Variants in CNOT6L observed in about 807,000 individuals in gnomAD.
CNOT6L encodes the protein CCR4-NOT transcription complex subunit 6 like, also known as CCR4-NOT transcription complex subunit 6-like.
CNOT6L carries 7 observed loss-of-function variants against 64.0 expected under a neutral mutation model. The ratio of observed to expected loss-of-function variants is 0.11; its 90% CI spans 0.06 to 0.21. The LOEUF (loss-of-function observed/expected upper bound fraction) is 0.21. Among genes scored for constraint, CNOT6L ranks in the 10% least tolerant of loss-of-function variants. The pLI is 1.00. For missense variants in CNOT6L, 245 were observed against 669.0 expected, an observed-to-expected ratio of 0.37 and a Z score of 6.99; for synonymous variants, 193 against 243.4, an observed-to-expected ratio of 0.79 and a Z score of 1.93.
chr4:77,735,449 A>G (rs946999477), intron 8 of CNOT6L, among the ~76,000 whole-genome samples: 1 of 152,158 alleles, frequency 6.6e-6, no homozygotes, highest in South Asian at 2.1e-4. Context: ...CCCAAATCCT[A>G]GAATTTTTTT....
chr4:77,798,227 A>C (rs1200984047), intron 1 of CNOT6L, among the ~76,000 whole-genome samples: 4 of 152,144 alleles, frequency 2.6e-5, no homozygotes, highest in African/African-American at 9.7e-5. Context: ...AGGCAGGAGG[A>C]CTGCTTGAGC....
At position 77,715,309 on chromosome 4, in the gene CNOT6L, T is replaced by C. The variant is rs988196044; in HGVS notation, c.*5122A>G. The C allele has an allele frequency of 2.0e-5, 3 of 152,052 alleles. No individual in the cohort carries two copies. Among genetic ancestry groups the C allele is most frequent in the Non-Finnish European group, 4.4e-5 (3 of 67,994 alleles). 9.4% of individuals were successfully genotyped at this position (152,052 alleles called of 1,614,324 possible). ...TGTGATTTGTTTCTGATGACATACT[T>C]CTAAAATGCAGTTCAATGCTACTCA... On this transcript the variant is annotated 3_prime_UTR_variant, in exon 12 of 12. Transcript: ENST00000504123.
intron 4 of CNOT6L, among the ~76,000 whole-genome samples, chr4:77,772,708 G>C (rs1323320021): frequency 6.6e-6 from 1 of 152,012 alleles, no homozygotes; most frequent in African/African-American, 2.4e-5. Context: ...GGATCACGAG[G>C]TCAGGAGATC....
Position 77,744,706 on chromosome 4 carries a change from C to G in CNOT6L, c.717+12G>C. ...TTTTAAGTTAAAGACAGTTTAATTTCTATGGTGTTACCTGAAGACTAATGA... is the reference window on the plus strand; with the variant it reads ...TTTTAAGTTAAAGACAGTTTAATTTGTATGGTGTTACCTGAAGACTAATGA... On this transcript the variant is annotated intron_variant, in intron 7 of 11. Coordinates refer to ENST00000504123, the MANE Select transcript of CNOT6L (RefSeq NM_144571.3). The G allele has an allele frequency of 6.3e-7, 1 of 1,597,496 alleles. No homozygotes were observed. The highest frequency in any genetic ancestry group is 8.5e-7 in the Non-Finnish European group (1 of 1,173,056).
At chr4:77,737,709 C>T (rs1013925725) in intron 8 of CNOT6L, among the ~76,000 whole-genome samples, 4 of 152,198 alleles carry the variant, frequency 2.6e-5, no homozygotes, top group South Asian at 4.1e-4. Context: ...TGAAACACCA[C>T]GCCCAGACTG....
At chr4:77,799,691 TG>T (rs1194669416) in intron 1 of CNOT6L, among the ~76,000 whole-genome samples, 1 of 103,292 alleles carries the variant, frequency 9.7e-6, no homozygotes, top group African/African-American at 3.9e-5. Context: ...GTGAGGGGAG[TG>T]AAACTCCATC....
chr4:77,797,857 A>T (rs1427412791), intron 1 of CNOT6L, among the ~76,000 whole-genome samples: 1 of 152,226 alleles, frequency 6.6e-6, no homozygotes, highest in Non-Finnish European at 1.5e-5. Context: ...AACATGGATC[A>T]CAGGCCTAAA....
In CNOT6L at chr4:77,729,072, G is replaced by A; in HGVS notation, c.1034C>T (p.Pro345Leu). 6.2e-7 allele frequency: 1 copy of A among 1,609,880 alleles called. No individual in the cohort carries two copies. The highest frequency in any genetic ancestry group is 8.5e-7 in the Non-Finnish European group (1 of 1,176,828). ...CAGCTGTTTGTCTGCAGCATGAATAGGCTTCATACCTAAATTTAAACATTA... is the reference window on the plus strand; with the variant it reads ...CAGCTGTTTGTCTGCAGCATGAATAAGCTTCATACCTAAATTTAAACATTA... ...HKELFGAGMK[P>L]IHAADKQLLI... Residue 345 changes from proline to leucine, a missense_variant, in exon 10 of 12, where the codon CCT (proline) becomes CTT (leucine). Physicochemically the swap from Pro to Leu is moderately conservative, Grantham distance 98 (BLOSUM62 -3). Around this residue, in one of 10 missense-constraint regions of CNOT6L, gnomAD observed 94 missense variants for 290.9 expected, o/e 0.32. Coordinates refer to ENST00000504123, the MANE Select transcript of CNOT6L (RefSeq NM_144571.3).
At chr4:77,744,658 C>G in intron 7 of CNOT6L, 60 bp downstream of exon 7, 4 of 1,436,812 alleles carry the variant, frequency 2.8e-6, no homozygotes, top group South Asian at 1.5e-5. Flanking sequence ...GTGGTCAGAT[C>G]TTCTCTTATG....
chr4:77,797,912 A>G (rs1003413558), intron 1 of CNOT6L, among the ~76,000 whole-genome samples: 17 of 152,222 alleles, frequency 1.1e-4, no homozygotes, highest in African/African-American at 3.9e-4. Context: ...AACACAGGAG[A>G]AAACCTTGGT....
At chr4:77,779,059 A>AAAC (rs1728515392) in intron 1 of CNOT6L, among the ~76,000 whole-genome samples, 2 of 97,122 alleles carry the variant, frequency 2.1e-5, no homozygotes, top group Non-Finnish European at 4.6e-5. Flanking sequence ...AAAAAAAAAA[A>AAAC]AAACAAAAAA....
chr4:77,814,609 G>C (rs1733353839), intron 1 of CNOT6L, among the ~76,000 whole-genome samples: 1 of 152,160 alleles, frequency 6.6e-6, no homozygotes, highest in African/African-American at 2.4e-5. Context: ...TAGGTGCACA[G>C]TGGGTCCTCA....
At chr4:77,721,833 G>T (rs1577914190) in intron 11 of CNOT6L, among the ~76,000 whole-genome samples, 1 of 152,036 alleles carries the variant, frequency 6.6e-6, no homozygotes, top group South Asian at 2.1e-4. Context: ...TTAGCCAGGT[G>T]TAGCAGCAGG....
chr4:77,792,362 T>C (rs767081079), intron 1 of CNOT6L, among the ~76,000 whole-genome samples: 2 of 152,094 alleles, frequency 1.3e-5, no homozygotes, highest in Admixed American at 6.6e-5. Flanking sequence ...GACGCCCTTA[T>C]TGACCAATCC....
chr4:77,813,252 C>G (rs1315309660), intron 1 of CNOT6L, among the ~76,000 whole-genome samples: 1 of 151,606 alleles, frequency 6.6e-6, no homozygotes, highest in Non-Finnish European at 1.5e-5. Context: ...CAGGACAAAA[C>G]AGGGAAGTAA....
At chr4:77,767,062 CA>C (rs56926683) in intron 4 of CNOT6L, among the ~76,000 whole-genome samples, 2,186 of 25,986 alleles carry the variant, frequency 0.084, no homozygotes, top group Non-Finnish European at 0.091. Context: ...AACTCCGTCT[CA>C]AAAAAAAAAA....
At chr4:77,792,759 G>A (rs938869355) in intron 1 of CNOT6L, among the ~76,000 whole-genome samples, 1 of 144,256 alleles carries the variant, frequency 6.9e-6, no homozygotes, top group Non-Finnish European at 1.5e-5. Flanking sequence ...AGTCTAGAAA[G>A]TATTGATTAG....
intron 2 of CNOT6L, among the ~76,000 whole-genome samples, 193 bp from the exon 3 acceptor site, chr4:77,774,909 T>C (rs1470851582): frequency 6.6e-6 from 1 of 152,212 alleles, no homozygotes; most frequent in Non-Finnish European, 1.5e-5. Context: ...CATGCCACTT[T>C]CACCTGACAA....
chr4:77,723,334 C>T (rs181274394), intron 11 of CNOT6L, among the ~76,000 whole-genome samples: 11 of 152,048 alleles, frequency 7.2e-5, no homozygotes, highest in African/African-American at 2.4e-4. Flanking sequence ...TGTTCAAGGA[C>T]GAAGAAAGTA....
Sources: allele counts gnomAD v4.1 joint callset (sites outside exome capture counted in the v4.1 genomes callset), GRCh38; gene constraint gnomAD v4.1.1; regional missense constraint gnomAD v4.1.1; transcripts MANE v1.5; gene names NCBI Gene and HGNC (gene_info 2026-07-23, HGNC 2026-07-21).